Variants in PCGF3 observed in about 807,000 individuals in gnomAD.
PCGF3 encodes the protein polycomb group RING finger protein 3.
Under a neutral mutation model 33.1 loss-of-function variants are expected in PCGF3, and 7 were observed. That is an observed-to-expected ratio of 0.21 (90% CI 0.12 to 0.40). The LOEUF (loss-of-function observed/expected upper bound fraction) is 0.40, where lower values mean the gene tolerates loss of function less well. Among genes scored for constraint, PCGF3 ranks in the 10% least tolerant of loss-of-function variants. PCGF3 has a pLI of 1.00. For synonymous variants in PCGF3, 153 were observed against 121.3 expected, an observed-to-expected ratio of 1.26 and a Z score of -1.72; for missense variants, 211 against 313.3, an observed-to-expected ratio of 0.67 and a Z score of 2.46.
chr4:751,631 CAT>C (rs1325803579), intron 8 of PCGF3, among the ~76,000 whole-genome samples: 1 of 150,624 alleles, frequency 6.6e-6, no homozygotes. Context: ...AAAAAAAAAA[CAT>C]ATGAGGGAAG....
In PCGF3 at chr4:759,988, G is replaced by T. The variant is rs561186220; in HGVS notation, c.463-1291G>T. Among the ~76,000 whole-genome samples the T allele has an allele frequency of 1.4e-4, 22 of 152,204 alleles. 1 individual carries two copies. The highest frequency in any genetic ancestry group is 5.1e-4 in the African/African-American group (21 of 41,528). On this transcript the variant is annotated intron_variant, in intron 8 of 10. Coordinates refer to ENST00000362003, the Ensembl canonical transcript of PCGF3. ...CCCGAGTTCTCTCTCCAGACTCCCGGATCTTCTTCCCGCTCACATTGTCCC... is the reference window on the plus strand; with the variant it reads ...CCCGAGTTCTCTCTCCAGACTCCCGTATCTTCTTCCCGCTCACATTGTCCC...
At chr4:765,330 G>A (rs1203339891) in intron 10 of PCGF3, among the ~76,000 whole-genome samples, 2 of 152,140 alleles carry the variant, frequency 1.3e-5, no homozygotes, top group Non-Finnish European at 2.9e-5. Flanking sequence ...CTACTCAGGA[G>A]GCTGAGGCAG....
At chr4:765,989 C>T (rs1428451100) in intron 10 of PCGF3, 43 bp from the exon 11 acceptor site, 1 of 1,599,012 alleles carries the variant, frequency 6.3e-7, no homozygotes, top group African/African-American at 1.3e-5. Context: ...CTTCTCGCCT[C>T]CACCCCTGCT....
intron 8 of PCGF3, among the ~76,000 whole-genome samples, chr4:754,510 G>A (rs568946703): frequency 2.6e-4 from 39 of 152,340 alleles, no homozygotes; most frequent in East Asian, 1.9e-4. Context: ...GGGGCGGAGG[G>A]TAGAAAGAGC....
chr4:766,140 C>CGCTTAA, exon 11 of PCGF3: 1 of 1,408,298 alleles, frequency 7.1e-7, no homozygotes, highest in Non-Finnish European at 1.0e-6. Context: ...CCGGCCGCCG[C>CGCTTAA]GCTTAAGAAC....
chr4:741,058 C>G (rs964877484), intron 6 of PCGF3, among the ~76,000 whole-genome samples: 12 of 152,182 alleles, frequency 7.9e-5, no homozygotes, highest in Non-Finnish European at 2.9e-5. Flanking sequence ...GGCAAAGCAC[C>G]GACTTTCTCA....
chr4:763,949 C>T (rs1038090411), intron 9 of PCGF3, among the ~76,000 whole-genome samples: 3 of 152,320 alleles, frequency 2.0e-5, no homozygotes, highest in Admixed American at 1.3e-4. Context: ...GTAGAGAAGC[C>T]CCTCTGAAAA....
At chr4:768,594 C>A (rs1230334663) in exon 11 of PCGF3, 1 of 152,038 alleles carries the variant, frequency 6.6e-6, no homozygotes, top group Non-Finnish European at 1.5e-5. Context: ...GGGCTAATTA[C>A]CCGGAATACG....
At chr4:764,854 C>G (rs1221574376) in intron 9 of PCGF3, 130 bp from the exon 10 acceptor site, 3 of 645,152 alleles carry the variant, frequency 4.7e-6, no homozygotes, top group South Asian at 1.8e-5. Flanking sequence ...ACCAGCCCCC[C>G]CCACCCCATC....
rs191288830 is a variant in PCGF3 at position 726,008 on chromosome 4, G to A, written c.-189-4622G>A. Among the ~76,000 whole-genome samples, 469 of 152,246 alleles carry A rather than the reference G, an allele frequency of 3.1e-3. 2 individuals are homozygous for A. Among genetic ancestry groups the A allele is most frequent in the African/African-American group, 0.01 (432 of 41,552 alleles). ...CTCTTCCGAGCCATGGTTAGGATCG[G>A]CCCCGTCCACCGTGTGTCCATGGAA... On this transcript the variant is annotated intron_variant, in intron 1 of 10. Transcript: ENST00000362003.
At chr4:757,894 C>CGCGGTGGCTCACGCCTGTA (rs1263921867) in intron 8 of PCGF3, among the ~76,000 whole-genome samples, 2 of 152,174 alleles carry the variant, frequency 1.3e-5, no homozygotes, top group African/African-American at 4.8e-5. Context: ...GTTGGCCCGG[C>CGCGGTGGCTCACGCCTGTA]GCGGTGGCTC....
chr4:761,186 G>A, intron 8 of PCGF3, 93 bp from the exon 9 acceptor site: 1 of 1,091,676 alleles, frequency 9.2e-7, no homozygotes, highest in South Asian at 1.9e-5. Flanking sequence ...AGCAGTCCTA[G>A]ATTGAGGAAT....
At chr4:764,857 A>G (rs944796113) in intron 9 of PCGF3, 127 bp from the exon 10 acceptor site, 1 of 641,540 alleles carries the variant, frequency 1.6e-6, no homozygotes, top group Non-Finnish European at 2.8e-6. Context: ...AGCCCCCCCC[A>G]CCCCATCTCT....
intron 6 of PCGF3, among the ~76,000 whole-genome samples, chr4:742,660 TGCTG>T (rs1278702692): frequency 6.6e-6 from 1 of 152,152 alleles, no homozygotes; most frequent in African/African-American, 2.4e-5. Flanking sequence ...GGCCAGCTCT[TGCTG>T]GCCATCCCTG....
At chr4:736,917 G>C (rs1192531104) in intron 5 of PCGF3, among the ~76,000 whole-genome samples, 6 of 48,398 alleles carry the variant, frequency 1.2e-4, no homozygotes, top group Non-Finnish European at 2.4e-4. Flanking sequence ...TCCCCTGAGC[G>C]CACGGGACGC....
chr4:715,225 C>T (rs1157315817), intron 1 of PCGF3, among the ~76,000 whole-genome samples: 17 of 140,648 alleles, frequency 1.2e-4, no homozygotes, highest in African/African-American at 2.9e-4. Flanking sequence ...GGTGCTGGGA[C>T]CCTGTAGACA....
At chr4:733,031 C>G (rs969115394) in intron 3 of PCGF3, among the ~76,000 whole-genome samples, 1 of 151,926 alleles carries the variant, frequency 6.6e-6, no homozygotes, top group Admixed American at 6.5e-5. Flanking sequence ...TTGTGCCCAC[C>G]CTGTGAGGGT....
At chr4:706,194 GC>G (rs1742288914) in intron 1 of PCGF3, among the ~76,000 whole-genome samples, 1 of 151,388 alleles carries the variant, frequency 6.6e-6, no homozygotes, top group African/African-American at 2.4e-5. Flanking sequence ...CTCCGGGAGG[GC>G]CAAGAGCCCA....
chr4:705,885 G>C (rs561099697), exon 1 of PCGF3: 2 of 152,090 alleles, frequency 1.3e-5, no homozygotes, highest in Non-Finnish European at 2.9e-5. Flanking sequence ...CTCCTCTTGG[G>C]GGGGACCCAG....
Sources: allele counts gnomAD v4.1 joint callset (sites outside exome capture counted in the v4.1 genomes callset), GRCh38; gene constraint gnomAD v4.1.1; transcripts MANE v1.5; gene names NCBI Gene and HGNC (gene_info 2026-07-23, HGNC 2026-07-21).